MTSS1: variants seen among roughly 807,000 people sequenced by gnomAD.
The protein encoded by MTSS1 is MTSS I-BAR domain containing 1.
Under a neutral mutation model 79.0 loss-of-function variants are expected in MTSS1, and 18 were observed. That is an observed-to-expected ratio of 0.23 (90% CI 0.16 to 0.34). The LOEUF (loss-of-function observed/expected upper bound fraction) is 0.34, where lower values mean the gene tolerates loss of function less well. MTSS1 is among the 10% of genes least tolerant of loss of function. The pLI, the probability that MTSS1 is intolerant of heterozygous loss-of-function variation, is 1.00. For missense variants in MTSS1, 815 were observed against 986.2 expected, an observed-to-expected ratio of 0.83 and a Z score of 2.33; for synonymous variants, 341 against 368.6, an observed-to-expected ratio of 0.93 and a Z score of 0.86.
intron 3 of MTSS1, among the ~76,000 whole-genome samples, chr8:124,605,611 G>GTGCTGCCTCCCTCCCTGCCCTCT (rs1445503821): frequency 9.1e-6 from 1 of 109,484 alleles, no homozygotes; most frequent in African/African-American, 3.7e-5. Context: ...CCCTGCCCTC[G>GTGCTGCCTCCCTCCCTGCCCTCT]CGCTGCCTCC....
At chr8:124,558,701 C>A (rs1347976413) in intron 10 of MTSS1, 1 of 1,532,900 alleles carries the variant, frequency 6.5e-7, no homozygotes, top group Non-Finnish European at 8.7e-7. Flanking sequence ...TGGCTGCCAC[C>A]CGGGCGGTCA....
At chr8:124,561,686 A>G (rs551639714) in intron 10 of MTSS1, among the ~76,000 whole-genome samples, 37 of 152,280 alleles carry the variant, frequency 2.4e-4, no homozygotes, top group African/African-American at 7.7e-4. Context: ...GCTGCACACT[A>G]GAACAGCCCG....
chr8:124,595,745 TG>T (rs905524541), intron 3 of MTSS1, among the ~76,000 whole-genome samples: 1 of 152,148 alleles, frequency 6.6e-6, no homozygotes, highest in Non-Finnish European at 1.5e-5. Context: ...TGGACATCTT[TG>T]GGGCATCCTT....
chr8:124,561,675 T>G (rs2131921955), intron 10 of MTSS1, among the ~76,000 whole-genome samples: 1 of 152,220 alleles, frequency 6.6e-6, no homozygotes, highest in South Asian at 2.1e-4. Flanking sequence ...CACACAATTA[T>G]GCTGCACACT....
chr8:124,632,808 C>T (rs1230895419), intron 3 of MTSS1, among the ~76,000 whole-genome samples: 4 of 152,212 alleles, frequency 2.6e-5, no homozygotes, highest in Non-Finnish European at 5.9e-5. Flanking sequence ...GCTGGGACTA[C>T]AGGTGTATGC....
At chr8:124,584,963 G>C in intron 6 of MTSS1, 124 bp downstream of exon 6, 1 of 757,588 alleles carries the variant, frequency 1.3e-6, no homozygotes, top group Non-Finnish European at 2.2e-6. Context: ...GGTCCTATTT[G>C]CTCCCACCTG....
At chr8:124,588,474 G>A (rs1332019012) in intron 5 of MTSS1, among the ~76,000 whole-genome samples, 7 of 152,166 alleles carry the variant, frequency 4.6e-5, no homozygotes, top group African/African-American at 1.4e-4. Context: ...ACTCTCACTC[G>A]AAAGCATCAG....
chr8:124,723,535 A>G (rs1036704025), intron 1 of MTSS1, among the ~76,000 whole-genome samples: 6 of 152,214 alleles, frequency 3.9e-5, no homozygotes, highest in African/African-American at 1.4e-4. Context: ...TTTCACAAAG[A>G]AACACTCAAA....
In MTSS1 at chr8:124,651,913, G is replaced by A. The variant is rs574979876; in HGVS notation, c.208+47613C>T. Among the ~76,000 whole-genome samples, 103 of 152,184 alleles carry A rather than the reference G, an allele frequency of 6.8e-4. 1 individual carries two copies. The South Asian group carries it at 0.011, about 16-fold the overall frequency. On this transcript the variant is annotated intron_variant, in intron 3 of 13. Coordinates refer to ENST00000518547, the MANE Select transcript of MTSS1 (RefSeq NM_014751.6). ...GACCCCAGGGTTCCTTAGAGGCAGG[G>A]GTGGGCCAGTCCTTGTCTGTCAGAA... is the stretch of plus-strand genomic sequence containing the variant.
chr8:124,710,263 A>G (rs745431656), intron 1 of MTSS1, among the ~76,000 whole-genome samples: 1 of 152,256 alleles, frequency 6.6e-6, no homozygotes, highest in Admixed American at 6.5e-5. Context: ...ACAGTGAGTG[A>G]CATAAATTCC....
intron 3 of MTSS1, among the ~76,000 whole-genome samples, chr8:124,599,173 C>G (rs1259798750): frequency 6.6e-6 from 1 of 152,182 alleles, no homozygotes; most frequent in African/African-American, 2.4e-5. Flanking sequence ...ACTGTACCCA[C>G]TAGGGTTCAA....
chr8:124,727,707 C>A lies in MTSS1; in HGVS notation c.72+177G>T. On this transcript the variant is annotated intron_variant, in intron 1 of 13. Coordinates refer to ENST00000518547, the MANE Select transcript of MTSS1 (RefSeq NM_014751.6). This position sits in a 1 kb window ranked among gnomAD's most constrained non-coding sequence, Gnocchi z 4.7. Reference sequence around the variant, plus strand: ...AGAAGCCACCCGCCCAGTGACCCCGCAGAGCCCGGAGCAGCGCCCCGGGTG... The same window carrying A: ...AGAAGCCACCCGCCCAGTGACCCCGAAGAGCCCGGAGCAGCGCCCCGGGTG... The A allele has an allele frequency of 1.5e-6, 1 of 678,548 alleles. No individual in the cohort carries two copies. Among genetic ancestry groups the A allele is most frequent in the Admixed American group, 2.1e-5 (1 of 47,674 alleles). The allele number at this position is 678,548 out of a possible 1,614,324, so 42.0% of individuals were successfully genotyped here. A position where few individuals can be genotyped will look rare whatever the true frequency, so the allele number is the denominator to read the frequency against.
chr8:124,553,432 G>A lies in MTSS1; in HGVS notation c.1828C>T (p.Pro610Ser), dbSNP rs767467644. 1.2e-6 allele frequency: 2 copies of A among 1,607,274 alleles called. No homozygotes were observed. The highest frequency in any genetic ancestry group is 2.2e-5 in the East Asian group (1 of 44,722). Residue 610 changes from proline to serine, a missense_variant, in exon 14 of 14, where the codon CCC (proline) becomes TCC (serine). By Grantham distance (74) the Pro-to-Ser change is moderately conservative. Around this residue, in one of 2 missense-constraint regions of MTSS1, gnomAD observed 590 missense variants for 620.8 expected, o/e 0.95. Transcript: ENST00000518547. This position sits in a 1 kb window ranked among gnomAD's most constrained non-coding sequence, Gnocchi z 6.0. ...ACAGGGATCACGGGTGTCTTGATGG[G>A]GATGGGACCAGCTCCAATGGTTCCC... is the stretch of plus-strand genomic sequence containing the variant. ...RRGTIGAGPI[P>S]IKTPVIPVKT...
intron 3 of MTSS1, among the ~76,000 whole-genome samples, chr8:124,697,384 AC>A (rs1283860980): frequency 6.6e-6 from 1 of 151,972 alleles, no homozygotes; most frequent in Non-Finnish European, 1.5e-5. Context: ...ACATGGTGAA[AC>A]CCCATCTCTA....
At chr8:124,633,029 C>T (rs1017768154) in intron 3 of MTSS1, among the ~76,000 whole-genome samples, 12 of 151,730 alleles carry the variant, frequency 7.9e-5, no homozygotes, top group African/African-American at 1.9e-4. Flanking sequence ...AATAAGGTGG[C>T]GCGGGGCATG....
chr8:124,715,360 T>C (rs1475654233), intron 1 of MTSS1, among the ~76,000 whole-genome samples: 2 of 152,190 alleles, frequency 1.3e-5, no homozygotes, highest in East Asian at 1.9e-4. Flanking sequence ...TTTTTTTTAA[T>C]TTTTGTTGTT....
At chr8:124,604,747 C>T (rs1254636761) in intron 3 of MTSS1, among the ~76,000 whole-genome samples, 1 of 152,128 alleles carries the variant, frequency 6.6e-6, no homozygotes, top group East Asian at 1.9e-4. Flanking sequence ...CACCATTGTG[C>T]CCACACACAG....
intron 3 of MTSS1, among the ~76,000 whole-genome samples, chr8:124,628,034 G>A (rs1815085420): frequency 6.6e-6 from 1 of 152,172 alleles, no homozygotes; most frequent in African/African-American, 2.4e-5. Context: ...AGGCGTGGTG[G>A]CATGTGCCTG....
Position 124,647,287 on chromosome 8 carries a change from C to T in MTSS1, c.208+52239G>A, listed in dbSNP as rs1019420583. Among the ~76,000 whole-genome samples the T allele has an allele frequency of 2.6e-5, 4 of 152,190 alleles. No homozygotes were observed. The South Asian group carries it at 6.2e-4, about 24-fold the overall frequency. On this transcript the variant is annotated intron_variant, in intron 3 of 13. Transcript: ENST00000518547. ...AGATTTAGAGTTTTTTTATGAAATA[C>T]GATTCTTTTGGGTGGAATTTGTTAG...
Sources: allele counts gnomAD v4.1 joint callset (sites outside exome capture counted in the v4.1 genomes callset), GRCh38; gene constraint gnomAD v4.1.1; regional missense constraint gnomAD v4.1.1; non-coding constraint Gnocchi (gnomAD v3.1); transcripts MANE v1.5; gene names NCBI Gene and HGNC (gene_info 2026-07-23, HGNC 2026-07-21).